ZC3H7A: variants seen among roughly 807,000 people sequenced by gnomAD.
ZC3H7A encodes the protein zinc finger CCCH-type containing 7A, also known as zinc finger CCCH domain-containing protein 7A.
In ZC3H7A, 44 loss-of-function variants were observed where a neutral mutation model predicts 125.5. That is an observed-to-expected ratio of 0.35 (90% CI 0.28 to 0.45). The LOEUF (loss-of-function observed/expected upper bound fraction) is 0.45. Ranked by LOEUF, ZC3H7A falls within the 20% of genes least tolerant of loss-of-function variation. The probability of loss-of-function intolerance (pLI) is 1.00; values close to 1 mark genes in which losing one functional copy is unlikely to be tolerated. For missense variants in ZC3H7A, 977 were observed against 1,170.7 expected (o/e 0.83, Z 2.41); for synonymous variants, 399 against 391.2 (o/e 1.02, Z -0.23).
intron 3 of ZC3H7A, among the ~76,000 whole-genome samples, chr16:11,779,841 T>A (rs1427776656): frequency 6.6e-6 from 1 of 150,846 alleles, no homozygotes. Flanking sequence ...ATCTACCAAT[T>A]TCTAGGTGGA....
intron 21 of ZC3H7A, among the ~76,000 whole-genome samples, chr16:11,754,893 C>CAAAAAAA (rs35345665): frequency 1.3e-4 from 9 of 68,866 alleles, no homozygotes; most frequent in Non-Finnish European, 1.3e-4. Context: ...CTCCGTCTCA[C>CAAAAAAA]AAAAAAAAAA....
chr16:11,757,441 G>A (rs1449514023), intron 20 of ZC3H7A, among the ~76,000 whole-genome samples: 4 of 128,352 alleles, frequency 3.1e-5, no homozygotes, highest in Non-Finnish European at 4.6e-5. Context: ...CCGAGATCAC[G>A]CCACTGCACT....
At chr16:11,763,843 G>A (rs578001542) in intron 15 of ZC3H7A, among the ~76,000 whole-genome samples, 184 bp from the exon 16 acceptor site, 98 of 134,300 alleles carry the variant, frequency 7.3e-4, no homozygotes, top group African/African-American at 2.5e-3. Context: ...TCACTCTATC[G>A]CCCAGGCTGG....
chr16:11,793,780 T>C (rs1031435263), intron 1 of ZC3H7A, among the ~76,000 whole-genome samples: 5 of 152,200 alleles, frequency 3.3e-5, no homozygotes, highest in Admixed American at 1.3e-4. Context: ...ATTAAAGTTG[T>C]TGAAGCTCCT....
chr16:11,768,095 G>A (rs2052892976), intron 12 of ZC3H7A, among the ~76,000 whole-genome samples: 1 of 152,050 alleles, frequency 6.6e-6, no homozygotes, highest in Admixed American at 6.6e-5. Flanking sequence ...TATTCTACAT[G>A]ATTCTATAAA....
chr16:11,754,606 ATG>A (rs1454365734), intron 21 of ZC3H7A, among the ~76,000 whole-genome samples: 2 of 152,036 alleles, frequency 1.3e-5, no homozygotes, highest in African/African-American at 4.8e-5. Flanking sequence ...TTAAGAATAA[ATG>A]TAGCTGGGCA....
rs1040570025 is a variant in ZC3H7A at position 11,768,215 on chromosome 16, T to C, written c.1360+100A>G. On this transcript the variant is annotated intron_variant, in intron 12 of 22. Coordinates refer to ENST00000355758, the MANE Select transcript of ZC3H7A (RefSeq NM_014153.4). ...ATTCAAAATAGGGATTGAAGAACCATAATAACTGATGTTGTTAACATGTAT... is the reference window on the plus strand; with the variant it reads ...ATTCAAAATAGGGATTGAAGAACCACAATAACTGATGTTGTTAACATGTAT... The C allele has an allele frequency of 9.3e-6, 11 of 1,187,236 alleles. No homozygotes were observed. The African/African-American group carries it at 1.4e-4, about 15-fold the overall frequency. 73.5% of individuals were successfully genotyped at this position (1,187,236 alleles called of 1,614,324 possible).
chr16:11,770,929 A>T lies in ZC3H7A; in HGVS notation c.962T>A (p.Phe321Tyr). Residue 321 changes from phenylalanine (F) to tyrosine (Y), a missense_variant, in exon 10 of 23, where the codon TTT (phenylalanine) becomes TAT (tyrosine). Physicochemically the swap from Phe to Tyr is conservative, Grantham distance 22. Coordinates refer to ENST00000355758, the MANE Select transcript of ZC3H7A (RefSeq NM_014153.4). ...TAAGGTTCCTAACAGCGATGCCGAAAAGGGCATGCTAGGAGAGACACTGGC... is the reference window on the plus strand; with the variant it reads ...TAAGGTTCCTAACAGCGATGCCGAATAGGGCATGCTAGGAGAGACACTGGC... The part of the protein sequence containing the change: ...QTASVSPSMP[F>Y]SASLLGTLPI... The T allele has an allele frequency of 6.2e-7, 1 of 1,613,954 alleles. No individual in the cohort carries two copies. The highest frequency in any genetic ancestry group is 8.5e-7 in the Non-Finnish European group (1 of 1,179,902).
At chr16:11,754,477 G>C (rs1199587368) in intron 21 of ZC3H7A, among the ~76,000 whole-genome samples, 20 of 151,868 alleles carry the variant, frequency 1.3e-4, no homozygotes, top group Admixed American at 5.3e-4. Flanking sequence ...AATGGGCAAT[G>C]AAACTGGATC....
At chr16:11,753,421 G>C (rs1461768603) in intron 21 of ZC3H7A, among the ~76,000 whole-genome samples, 1 of 152,216 alleles carries the variant, frequency 6.6e-6, no homozygotes, top group Non-Finnish European at 1.5e-5. Flanking sequence ...CTCATTCATT[G>C]TGGGGTATAA....
chr16:11,768,628 T>C (rs1596387284), intron 11 of ZC3H7A, 127 bp from the exon 12 acceptor site: 1 of 782,044 alleles, frequency 1.3e-6, no homozygotes, highest in Middle Eastern at 4.0e-4. Context: ...TACTACTCCA[T>C]CCTTAATGCT....
intron 1 of ZC3H7A, chr16:11,782,765 C>T (rs1209786013): frequency 1.3e-5 from 2 of 159,214 alleles, no homozygotes; most frequent in Non-Finnish European, 2.8e-5. Context: ...CAGATGCCTG[C>T]GACCACGCCT....
Position 11,779,297 on chromosome 16 carries a change from A to T in ZC3H7A, c.175T>A (p.Trp59Arg). 1 of 1,614,124 alleles carries T rather than the reference A, an allele frequency of 6.2e-7. No homozygotes were observed. The highest frequency in any genetic ancestry group is 8.5e-7 in the Non-Finnish European group (1 of 1,180,012). Residue 59 changes from tryptophan (W) to arginine (R), a missense_variant, in exon 4 of 23, where the codon TGG becomes AGG. Coordinates refer to ENST00000355758, the MANE Select transcript of ZC3H7A (RefSeq NM_014153.4). ...GTGTACTGGCTTATCGAGTTGTTCC[A>T]ATCATGTTCCCGATAAACGTCATTT... The part of the protein sequence containing the change: ...EGNDVYREHD[W>R]NNSISQYTEA...
chr16:11,752,580 A>C, intron 22 of ZC3H7A, 89 bp downstream of exon 22: 1 of 1,489,972 alleles, frequency 6.7e-7, no homozygotes, highest in Admixed American at 2.2e-5. Flanking sequence ...TTAGAACTTT[A>C]ACACCCAGGT....
In ZC3H7A at chr16:11,765,525, G is replaced by A. The variant is rs1458978778; in HGVS notation, c.1683C>T (p.Leu561=). ...GKINLTVFKL[L]QEHLGEFIFL... ...ATATAAATTCCCCAAGATGCTCCTG[G>A]AGAAGTTTGAACACAGTAAGGTTAA... Residue 561 remains leucine (L), a synonymous_variant, in exon 14 of 23, where the codon CTC becomes CTT. Transcript: ENST00000355758. This position sits in a 1 kb window ranked among gnomAD's most constrained non-coding sequence, Gnocchi z 4.8. 1 of 1,613,736 alleles carries A rather than the reference G, an allele frequency of 6.2e-7. No homozygotes were observed. Among genetic ancestry groups the A allele is most frequent in the African/African-American group, 1.3e-5 (1 of 75,016 alleles).
chr16:11,760,137 A>AAAAAAAAAAAAAAAAAAAG (rs1555493879), intron 19 of ZC3H7A, among the ~76,000 whole-genome samples: 4 of 137,642 alleles, frequency 2.9e-5, no homozygotes, highest in African/African-American at 7.7e-5. Context: ...AAAAAAAAAA[A>AAAAAAAAAAAAAAAAAAAG]AAAAAAAAGA....
chr16:11,795,692 C>G (rs549504583), intron 1 of ZC3H7A, among the ~76,000 whole-genome samples: 2 of 152,170 alleles, frequency 1.3e-5, no homozygotes, highest in Non-Finnish European at 2.9e-5. Context: ...ACACCTCGGC[C>G]TCCCAAAGTG....
At chr16:11,787,878 A>G (rs893449124) in intron 1 of ZC3H7A, among the ~76,000 whole-genome samples, 2 of 151,886 alleles carry the variant, frequency 1.3e-5, no homozygotes, top group Non-Finnish European at 2.9e-5. Context: ...CCCAGGAGGC[A>G]GAGGTTGCAC....
intron 9 of ZC3H7A, among the ~76,000 whole-genome samples, chr16:11,771,861 GCTTCC>G (rs1414992348): frequency 6.6e-6 from 1 of 152,006 alleles, no homozygotes; most frequent in Non-Finnish European, 1.5e-5. Flanking sequence ...ACTTCCTTAT[GCTTCC>G]CTGCCCTTAC....
Sources: gnomAD v4.1 joint callset for allele counts (sites outside exome capture counted in the v4.1 genomes callset) on GRCh38, gnomAD v4.1.1 for gene constraint, Gnocchi (gnomAD v3.1) non-coding constraint, MANE v1.5 for transcripts, NCBI Gene and HGNC (gene_info 2026-07-23, HGNC 2026-07-21) for gene names.